The following CEBPZ variants were observed in gnomAD, a reference collection of about 807,000 sequenced individuals.
The protein encoded by CEBPZ is CCAAT/enhancer-binding protein zeta.
Under a neutral mutation model 104.5 loss-of-function variants are expected in CEBPZ, and 78 were observed. The ratio of observed to expected loss-of-function variants is 0.75; its 90% confidence interval spans 0.62 to 0.90. CEBPZ has a LOEUF of 0.90. Ranked by LOEUF, CEBPZ falls within the 40% of genes least tolerant of loss-of-function variation. The pLI, the probability that CEBPZ is intolerant of heterozygous loss-of-function variation, is 0.00. For synonymous variants in CEBPZ, 470 were observed against 427.0 expected, an observed-to-expected ratio of 1.10 and a Z score of -1.24; for missense variants, 1,439 against 1,233.5, an observed-to-expected ratio of 1.17 and a Z score of -2.50.
In CEBPZ at chr2:37,217,013, C is replaced by A; in HGVS notation, c.2179G>T (p.Val727Leu). Residue 727 changes from valine to leucine, a missense_variant, in exon 6 of 16, where the codon GTG (valine) becomes TTG (leucine). Coordinates refer to ENST00000234170, the MANE Select transcript of CEBPZ (RefSeq NM_005760.3). ...KKLSVHFHPSVALFAKTILQG... is the reference protein window; with the variant it reads ...KKLSVHFHPSLALFAKTILQG... ...AGGATGGTCTTTGCAAAAAGGGCCA[C>A]GGAGGGATGAAAATGCACAGATAAC... is the stretch of plus-strand genomic sequence containing the variant. 1 of 1,612,586 alleles carries A rather than the reference C, an allele frequency of 6.2e-7. No homozygotes were observed. The highest frequency in any genetic ancestry group is 8.5e-7 in the Non-Finnish European group (1 of 1,178,928).
At chr2:37,214,818 C>A in intron 9 of CEBPZ, 68 bp downstream of exon 9, 2 of 948,304 alleles carry the variant, frequency 2.1e-6, no homozygotes, top group Admixed American at 2.0e-5. Flanking sequence ...TAAAATGAAG[C>A]ATTTTATGAA....
chr2:37,207,606 C>T (rs906428152), intron 13 of CEBPZ, among the ~76,000 whole-genome samples: 1 of 151,768 alleles, frequency 6.6e-6, no homozygotes, highest in Non-Finnish European at 1.5e-5. Context: ...TTGAACTGAA[C>T]AATAGTGACA....
chr2:37,227,769 T>A lies in CEBPZ; in HGVS notation c.1424A>T (p.Lys475Ile). 6.2e-7 allele frequency: 1 copy of A among 1,613,904 alleles called. No homozygotes were observed. ...AAGCATTTTTGATTCAACATCTTTTTTTTTGACACAAGTCCGAAAAAAGCA... is the reference window on the plus strand; with the variant it reads ...AAGCATTTTTGATTCAACATCTTTTATTTTGACACAAGTCCGAAAAAAGCA... ...YFCFFRTCVK[K>I]KDVESKMLSA... The change falls in exon 2 of 16, where the codon AAA becomes ATA. Residue 475 changes from lysine to isoleucine, a missense_variant. Transcript: ENST00000234170.
intron 5 of CEBPZ, among the ~76,000 whole-genome samples, chr2:37,218,452 T>C (rs1008020540): frequency 4.1e-4 from 63 of 152,142 alleles, no homozygotes; most frequent in African/African-American, 1.3e-3. Context: ...GTGTAGAAAA[T>C]AGTCTTTCAC....
chr2:37,223,254 T>C lies in CEBPZ; in HGVS notation c.1797A>G (p.Pro599=). 1 of 1,614,186 alleles carries C rather than the reference T, an allele frequency of 6.2e-7. No homozygotes were observed. The highest frequency in any genetic ancestry group is 1.1e-5 in the South Asian group (1 of 91,084). Residue 599 remains proline, a synonymous_variant, in exon 3 of 16, where the codon CCA becomes CCG. Coordinates refer to ENST00000234170, the MANE Select transcript of CEBPZ (RefSeq NM_005760.3). The part of the protein sequence containing the change: ...RLLQVTCQQM[P]PFICGALYLV... Reference sequence around the variant, plus strand: ...GATATAAAGCTCCACATATAAATGGTGGCATCTGTTGACAAGTAACTTGAA... The same window carrying C: ...GATATAAAGCTCCACATATAAATGGCGGCATCTGTTGACAAGTAACTTGAA...
intron 2 of CEBPZ, among the ~76,000 whole-genome samples, chr2:37,226,868 G>C (rs1452624667): frequency 6.6e-6 from 1 of 152,052 alleles, no homozygotes; most frequent in Non-Finnish European, 1.5e-5. Context: ...CAATGGGTGA[G>C]TTGCAAAATT....
In CEBPZ at chr2:37,227,707, A is replaced by G. The variant is rs1228549025; in HGVS notation, c.1486T>C (p.Tyr496His). Residue 496 changes from tyrosine (Y) to histidine (H), a missense_variant, in exon 2 of 16, where the codon TAT (tyrosine) becomes CAT (histidine). Transcript: ENST00000234170. Reference sequence around the variant, plus strand: ...ACTTTGTCATCACCAGTCTGGGAATAAGGGTATGCCCTATTCACACCTGTT... The same window carrying G: ...ACTTTGTCATCACCAGTCTGGGAATGAGGGTATGCCCTATTCACACCTGTT... ...LLTGVNRAYP[Y>H]SQTGDDKVRE... The G allele has an allele frequency of 9.3e-6, 15 of 1,614,228 alleles. No homozygotes were observed. Among genetic ancestry groups the G allele is most frequent in the Non-Finnish European group, 1.3e-5 (15 of 1,180,034 alleles).
At position 37,228,912 on chromosome 2, in the gene CEBPZ, G is replaced by A. The variant is rs200359704; in HGVS notation, c.281C>T (p.Ala94Val). The A allele has an allele frequency of 1.2e-5, 20 of 1,610,178 alleles. No individual in the cohort carries two copies. The Admixed American group carries it at 2.4e-4, about 19-fold the overall frequency. ...AACTAAGGAAGCTTTTGTATACTTC[G>A]CCAAATTAAGATTTTGAATAAATGC... The part of the protein sequence containing the change: ...LEAFIQNLNL[A>V]KYTKASLVEE... The change falls in exon 2 of 16, where the codon GCG becomes GTG. Residue 94 changes from alanine (A) to valine (V), a missense_variant. Coordinates refer to ENST00000234170, the MANE Select transcript of CEBPZ (RefSeq NM_005760.3).
At chr2:37,229,744 G>C (rs1664992042) in intron 1 of CEBPZ, among the ~76,000 whole-genome samples, 1 of 152,196 alleles carries the variant, frequency 6.6e-6, no homozygotes, top group Non-Finnish European at 1.5e-5. Flanking sequence ...GTCTCGCTCT[G>C]TTGTCCAGGC....
chr2:37,209,032 C>A (rs1677631602), intron 13 of CEBPZ: 1 of 119,214 alleles, frequency 8.4e-6, no homozygotes. Flanking sequence ...ACTCTACCCC[C>A]CTTACAACAC....
chr2:37,211,714 T>C (rs1677725151), intron 12 of CEBPZ, 129 bp downstream of exon 12: 3 of 654,766 alleles, frequency 4.6e-6, no homozygotes, highest in African/African-American at 1.9e-5. Flanking sequence ...AAGGTCCTTT[T>C]AAGTTTCTGG....
intron 8 of CEBPZ, among the ~76,000 whole-genome samples, chr2:37,215,842 G>A (rs960876059): frequency 4.0e-5 from 6 of 151,840 alleles, no homozygotes; most frequent in Non-Finnish European, 8.8e-5. Context: ...ATGAAGCTAC[G>A]GATGATAAAA....
chr2:37,226,510 T>A (rs1002996643), intron 2 of CEBPZ, among the ~76,000 whole-genome samples: 1 of 152,182 alleles, frequency 6.6e-6, no homozygotes, highest in African/African-American at 2.4e-5. Flanking sequence ...AGTTTCAAAA[T>A]CTTCATAATA....
intron 1 of CEBPZ, 109 bp downstream of exon 1, chr2:37,231,303 G>C: frequency 6.7e-7 from 1 of 1,482,948 alleles, no homozygotes; most frequent in Non-Finnish European, 9.4e-7. Flanking sequence ...TGGGATCTCG[G>C]TCCTGGACGC....
At chr2:37,208,048 G>C (rs537804467) in intron 13 of CEBPZ, among the ~76,000 whole-genome samples, 6 of 152,142 alleles carry the variant, frequency 3.9e-5, no homozygotes, top group African/African-American at 1.4e-4. Flanking sequence ...AGAAAACCTA[G>C]AGAAAAATGG....
At chr2:37,207,727 G>GCTCACAC (rs1195006817) in intron 13 of CEBPZ, among the ~76,000 whole-genome samples, 1 of 152,066 alleles carries the variant, frequency 6.6e-6, no homozygotes, top group Non-Finnish European at 1.5e-5. Context: ...GACAATCTAA[G>GCTCACAC]CTCACACCTC....
intron 2 of CEBPZ, among the ~76,000 whole-genome samples, chr2:37,223,628 T>C (rs539028145): frequency 6.6e-6 from 1 of 152,200 alleles, no homozygotes; most frequent in East Asian, 1.9e-4. Flanking sequence ...ATAGGCATTT[T>C]TGAGTGTGTG....
intron 4 of CEBPZ, among the ~76,000 whole-genome samples, chr2:37,220,966 C>T (rs969697375): frequency 6.6e-6 from 1 of 151,338 alleles, no homozygotes; most frequent in Non-Finnish European, 1.5e-5. Flanking sequence ...CATTGTGATC[C>T]AGCCTTCCTG....
At chr2:37,226,631 T>C (rs1664893570) in intron 2 of CEBPZ, among the ~76,000 whole-genome samples, 1 of 152,100 alleles carries the variant, frequency 6.6e-6, no homozygotes, top group Non-Finnish European at 1.5e-5. Context: ...ATCAAGTAAT[T>C]TGCCCAAAAT....
Sources: gnomAD v4.1 joint callset for allele counts (sites outside exome capture counted in the v4.1 genomes callset) on GRCh38, gnomAD v4.1.1 for gene constraint, MANE v1.5 for transcripts, NCBI Gene and HGNC (gene_info 2026-07-23, HGNC 2026-07-21) for gene names.